GNG2: variants seen among roughly 807,000 people sequenced by gnomAD.
GNG2 encodes G protein subunit gamma 2.
A neutral mutation model predicts 5.5 loss-of-function variants in GNG2; 5 were observed. The ratio of observed to expected loss-of-function variants is 0.91; its 90% CI spans 0.48 to 1.92. The LOEUF (loss-of-function observed/expected upper bound fraction) is 1.92, where lower values mean the gene tolerates loss of function less well. Ranked by LOEUF, GNG2 falls within the 30% of genes most tolerant of loss-of-function variation. The probability of loss-of-function intolerance (pLI) is 0.01; values close to 1 mark genes in which losing one functional copy is unlikely to be tolerated. For synonymous variants in GNG2, 28 were observed against 32.0 expected, an observed-to-expected ratio of 0.88 and a Z score of 0.42; for missense variants, 55 against 88.4, an observed-to-expected ratio of 0.62 and a Z score of 1.52.
chr14:51,888,681 C>T (rs75821128), intron 2 of GNG2, among the ~76,000 whole-genome samples: 4,336 of 152,156 alleles, frequency 0.028, 230 homozygotes, highest in East Asian at 0.2. Context: ...TAACATCCTC[C>T]AGGAGTAGTG....
intron 1 of GNG2, among the ~76,000 whole-genome samples, chr14:51,870,315 C>A (rs190401568): frequency 6.6e-6 from 1 of 151,280 alleles, no homozygotes; most frequent in Admixed American, 6.6e-5. Flanking sequence ...AGAATCCTGG[C>A]GAAAAACACA....
chr14:51,956,829 T>C lies in GNG2; in HGVS notation c.87+6064T>C, dbSNP rs529328318. On this transcript the variant is annotated intron_variant, in intron 3 of 3. Transcript: ENST00000556766. ...AGATGTGTCTCAATTTCAGATGTAATGAAGATGGATTATATCTCTACCTTC... is the reference window on the plus strand; with the variant it reads ...AGATGTGTCTCAATTTCAGATGTAACGAAGATGGATTATATCTCTACCTTC... 2.0e-5 allele frequency among the ~76,000 whole-genome samples: 3 copies of C among 152,340 alleles called. No individual in the cohort carries two copies. The South Asian group carries it at 6.2e-4, about 32-fold the overall frequency.
chr14:51,914,411 C>T (rs1158916997), intron 2 of GNG2: 1 of 621,094 alleles, frequency 1.6e-6, no homozygotes. Context: ...GATCCTTGTG[C>T]TAAGGTTCCC....
chr14:51,907,268 T>A, intron 2 of GNG2, among the ~76,000 whole-genome samples: 1 of 152,268 alleles, frequency 6.6e-6, no homozygotes, highest in African/African-American at 2.4e-5. Flanking sequence ...TGTGAAGTGC[T>A]GATTCATTCA....
chr14:51,932,271 A>G (rs79705659), intron 2 of GNG2, among the ~76,000 whole-genome samples: 7,289 of 96,312 alleles, frequency 0.076, 603 homozygotes, highest in African/African-American at 0.09. Flanking sequence ...AAAAAAAAAA[A>G]AGAAAAGAAA....
rs1555348001 is a variant in GNG2, at chr14:51,847,875, C to CTTTTTTTTTTTT, written c.64+20073_64+20074insTTTTTTTTTTTT. On this transcript the variant is annotated intron_variant, in intron 2 of 3. Transcript: ENST00000553432. Reference sequence around the variant, plus strand: ...GGATGTTACTCTATGAATACAGGTCCTTTTTCTTTTTTTTTTTTTTTTTTT... The same window carrying CTTTTTTTTTTTT: ...GGATGTTACTCTATGAATACAGGTCCTTTTTTTTTTTTTTTTTCTTTTTTTTTTTTTTTTTTT... Among the ~76,000 whole-genome samples, 2 of 66,148 alleles carry CTTTTTTTTTTTT rather than the reference C, an allele frequency of 3.0e-5. 1 individual carries two copies. 43.4% of individuals were successfully genotyped at this position (66,148 alleles called of 152,430 possible).
In GNG2 at chr14:51,879,841, T is replaced by G. The variant is rs113962639; in HGVS notation, c.-30+2184T>G. 8.9e-3 allele frequency among the ~76,000 whole-genome samples: 1,351 copies of G among 152,330 alleles called. 12 individuals carry two copies. Among genetic ancestry groups the G allele is most frequent in the Non-Finnish European group, 0.014 (980 of 68,020 alleles). On this transcript the variant is annotated intron_variant, in intron 2 of 3. Coordinates refer to ENST00000556766, the MANE Select transcript of GNG2 (RefSeq NM_053064.5). ...ATTTAATCACATCTTTGAAGTCTCT[T>G]TATCTGTAAGGTTATGTATTTACAG...
At chr14:51,877,825 T>C (rs58648575) in intron 2 of GNG2, 168 bp downstream of exon 2, 26,200 of 219,614 alleles carry the variant, frequency 0.12, 4,107 homozygotes, top group African/African-American at 0.42. Flanking sequence ...AAAGAAAAAA[T>C]GGCTGTCTTT....
At chr14:51,946,751 C>T (rs1042437425) in intron 2 of GNG2, among the ~76,000 whole-genome samples, 46 of 152,116 alleles carry the variant, frequency 3.0e-4, no homozygotes, top group Admixed American at 2.8e-3. Flanking sequence ...TCCCCCACTA[C>T]GTGACTCTAA....
chr14:51,869,891 A>C (rs1883185698), intron 1 of GNG2, among the ~76,000 whole-genome samples: 2 of 152,218 alleles, frequency 1.3e-5, no homozygotes, highest in Non-Finnish European at 2.9e-5. Flanking sequence ...TGTATGAGTA[A>C]GTAGGCAGAC....
intron 3 of GNG2, among the ~76,000 whole-genome samples, chr14:51,964,317 T>C (rs1889777624): frequency 1.3e-5 from 2 of 152,180 alleles, no homozygotes; most frequent in South Asian, 2.1e-4. Flanking sequence ...TCTAACAGAA[T>C]AAATTTCTGT....
At chr14:51,909,181 T>G (rs1481876379) in intron 2 of GNG2, among the ~76,000 whole-genome samples, 1 of 152,200 alleles carries the variant, frequency 6.6e-6, no homozygotes, top group Non-Finnish European at 1.5e-5. Flanking sequence ...CTCTGGCAAA[T>G]AGAATAACTT....
intron 2 of GNG2, among the ~76,000 whole-genome samples, chr14:51,925,341 A>G (rs1887246047): frequency 6.6e-6 from 1 of 152,262 alleles, no homozygotes; most frequent in Non-Finnish European, 1.5e-5. Flanking sequence ...TTCCCATTTT[A>G]CAGTTGAAAA....
intron 2 of GNG2, among the ~76,000 whole-genome samples, chr14:51,919,951 C>CA (rs1886912719): frequency 1.3e-5 from 2 of 152,306 alleles, no homozygotes; most frequent in South Asian, 4.1e-4. Context: ...CAGAACTAAA[C>CA]ACATACACAA....
chr14:51,888,189 C>CA (rs774440892), intron 2 of GNG2, among the ~76,000 whole-genome samples: 4 of 152,166 alleles, frequency 2.6e-5, no homozygotes, highest in Non-Finnish European at 5.9e-5. Context: ...GAGATACATC[C>CA]ATGCTGTATG....
chr14:51,870,218 C>T lies in GNG2; in HGVS notation c.-70-7399C>T, dbSNP rs370159818. Among the ~76,000 whole-genome samples the T allele has an allele frequency of 8.1e-4, 123 of 151,772 alleles. 1 individual carries two copies. The highest frequency in any genetic ancestry group is 2.6e-3 in the African/African-American group (109 of 41,374). The stretch of plus-strand genomic sequence containing the variant: ...TTTTTGGCTATATAACAAACCTGCA[C>T]GTGTACCCCTGAACCTAAAAGAAAA... On this transcript the variant is annotated intron_variant, in intron 1 of 3. Transcript: ENST00000556766.
At chr14:51,886,495 T>C (rs549197534) in intron 2 of GNG2, among the ~76,000 whole-genome samples, 14 of 152,322 alleles carry the variant, frequency 9.2e-5, no homozygotes, top group African/African-American at 3.1e-4. Flanking sequence ...GCCAGCTGTA[T>C]TGGAAACAAT....
At chr14:51,836,591 C>G (rs563615118) in intron 2 of GNG2, among the ~76,000 whole-genome samples, 3 of 152,172 alleles carry the variant, frequency 2.0e-5, no homozygotes, top group African/African-American at 7.2e-5. Context: ...CACCACAACT[C>G]CAGCAAGCAC....
chr14:51,887,321 AC>A (rs1884531287), intron 2 of GNG2, among the ~76,000 whole-genome samples: 1 of 152,192 alleles, frequency 6.6e-6, no homozygotes, highest in Non-Finnish European at 1.5e-5. Flanking sequence ...GAAATGTAAT[AC>A]CTGGCTAGTG....
Sources: allele counts gnomAD v4.1 joint callset (sites outside exome capture counted in the v4.1 genomes callset), GRCh38; gene constraint gnomAD v4.1.1; transcripts MANE v1.5; gene names NCBI Gene and HGNC (gene_info 2026-07-23, HGNC 2026-07-21).